The following MTMR12 variants were observed in gnomAD, a reference collection of about 807,000 sequenced individuals.
MTMR12 encodes the protein myotubularin-related protein 12.
MTMR12 carries 33 observed loss-of-function variants against 96.7 expected under a neutral mutation model. The ratio of observed to expected loss-of-function variants is 0.34; its 90% CI spans 0.26 to 0.46. The LOEUF is 0.46. Ranked by LOEUF, MTMR12 falls within the 20% of genes least tolerant of loss-of-function variation. The pLI is 1.00. For synonymous variants in MTMR12, 298 were observed against 327.2 expected, an observed-to-expected ratio of 0.91 and a Z score of 0.96; for missense variants, 721 against 896.1, an observed-to-expected ratio of 0.80 and a Z score of 2.49.
rs772287290 is a variant in MTMR12 at position 32,255,790 on chromosome 5, A to C, written c.714-22T>G. ...CAATCTAGAAGAAAGAAATGTCATC[A>C]AGTTTTAGTACAACACTTAATTCAC... On this transcript the variant is annotated intron_variant, in intron 7 of 15. Coordinates refer to ENST00000382142, the MANE Select transcript of MTMR12 (RefSeq NM_001040446.3). 1.4e-5 allele frequency: 22 copies of C among 1,582,804 alleles called. No homozygotes were observed. The East Asian group carries it at 4.9e-4, about 35-fold the overall frequency.
rs147658902 is a variant in MTMR12, at chr5:32,245,060, C to T, written c.1022-1461G>A. Reference sequence around the variant, plus strand: ...GTGTTTTTTTTGAGATGGAGTTTTGCTCTTGTCACCCAGGCTGGAGCGCAA... The same window carrying T: ...GTGTTTTTTTTGAGATGGAGTTTTGTTCTTGTCACCCAGGCTGGAGCGCAA... On this transcript the variant is annotated intron_variant, in intron 10 of 15. Transcript: ENST00000382142. Among the ~76,000 whole-genome samples the T allele has an allele frequency of 1.9e-3, 285 of 152,084 alleles. 2 individuals carry two copies. The highest frequency in any genetic ancestry group is 6.6e-3 in the African/African-American group (274 of 41,488).
chr5:32,290,404 TTTAGGGAA>T (rs1442198745), intron 1 of MTMR12, among the ~76,000 whole-genome samples: 29 of 152,248 alleles, frequency 1.9e-4, no homozygotes, highest in African/African-American at 6.7e-4. Context: ...CCAACTAAAA[TTTAGGGAA>T]CTTCTACCTC....
At chr5:32,256,545 A>C (rs779165962) in intron 7 of MTMR12, among the ~76,000 whole-genome samples, 10 of 152,204 alleles carry the variant, frequency 6.6e-5, no homozygotes, top group Non-Finnish European at 1.2e-4. Context: ...TGAAAGATCA[A>C]AATTACTTGG....
Position 32,235,143 on chromosome 5 carries a change from A to C in MTMR12, c.1345-14T>G, listed in dbSNP as rs200469105. 1 of 1,607,600 alleles carries C rather than the reference A, an allele frequency of 6.2e-7. No homozygotes were observed. Among genetic ancestry groups the C allele is most frequent in the African/African-American group, 1.3e-5 (1 of 74,624 alleles). On this transcript the variant is annotated splice_polypyrimidine_tract_variant and intron_variant, in intron 13 of 15. Coordinates refer to ENST00000382142, the MANE Select transcript of MTMR12 (RefSeq NM_001040446.3). ...GAACACAGGAACCTGCATGAAAACA[A>C]GATACGTTACTTGGTGGGCAGAGCC...
intron 5 of MTMR12, among the ~76,000 whole-genome samples, chr5:32,270,425 T>C (rs1370749877): frequency 6.6e-6 from 1 of 152,192 alleles, no homozygotes; most frequent in African/African-American, 2.4e-5. Context: ...GTAAACTCAT[T>C]TACTCATAGA....
chr5:32,298,388 G>A (rs2112148561), intron 1 of MTMR12, among the ~76,000 whole-genome samples: 1 of 152,322 alleles, frequency 6.6e-6, no homozygotes, highest in African/African-American at 2.4e-5. Flanking sequence ...TCACTTGAAA[G>A]GAGAGAGAAG....
intron 13 of MTMR12, among the ~76,000 whole-genome samples, chr5:32,236,132 C>T (rs1748218614): frequency 6.6e-6 from 1 of 152,174 alleles, no homozygotes; most frequent in African/African-American, 2.4e-5. Context: ...GCAATAGGCT[C>T]AGAAAATACA....
chr5:32,242,065 A>G lies in MTMR12; in HGVS notation c.1163T>C (p.Leu388Pro). 1 of 1,611,788 alleles carries G rather than the reference A, an allele frequency of 6.2e-7. No individual in the cohort carries two copies. Among genetic ancestry groups the G allele is most frequent in the South Asian group, 1.1e-5 (1 of 90,988 alleles). ...ECMEAQNMNV[L>P]LLEENASDLC... Reference sequence around the variant, plus strand: ...TGCTTCCTATATATTACCTAAAAGAAGAACATTCATGTTTTGTGCTTCCAT... The same window carrying G: ...TGCTTCCTATATATTACCTAAAAGAGGAACATTCATGTTTTGTGCTTCCAT... The change falls in exon 12 of 16, where the codon CTT becomes CCT. Residue 388 changes from leucine to proline, a missense_variant. Coordinates refer to ENST00000382142, the MANE Select transcript of MTMR12 (RefSeq NM_001040446.3).
chr5:32,288,692 C>A (rs1750638664), intron 1 of MTMR12, among the ~76,000 whole-genome samples: 2 of 152,180 alleles, frequency 1.3e-5, no homozygotes, highest in Admixed American at 6.5e-5. Flanking sequence ...AGGGACTCTG[C>A]TTTTAATGTT....
intron 6 of MTMR12, 68 bp downstream of exon 6, chr5:32,268,633 C>A: frequency 7.5e-7 from 1 of 1,332,926 alleles, no homozygotes; most frequent in East Asian, 2.3e-5. Context: ...GTGTTCTCCC[C>A]CACTGGCTTC....
At chr5:32,269,237 G>C (rs1013772262) in intron 5 of MTMR12, among the ~76,000 whole-genome samples, 2 of 151,892 alleles carry the variant, frequency 1.3e-5, no homozygotes, top group Non-Finnish European at 2.9e-5. Flanking sequence ...ATGTTGGCCA[G>C]GCTGGTCTTG....
chr5:32,228,496 T>C lies in MTMR12; in HGVS notation c.*1282A>G, dbSNP rs1005980158. On this transcript the variant is annotated 3_prime_UTR_variant, in exon 16 of 16. Transcript: ENST00000382142. Reference sequence around the variant, plus strand: ...AAAAAAATCTGCTCCTTACAAAGTATACTTTCCTGCATTAAAAAAAATATA... The same window carrying C: ...AAAAAAATCTGCTCCTTACAAAGTACACTTTCCTGCATTAAAAAAAATATA... 3 of 146,644 alleles carry C rather than the reference T, an allele frequency of 2.0e-5. No homozygotes were observed. Among genetic ancestry groups the C allele is most frequent in the South Asian group, 4.3e-4 (2 of 4,670 alleles). The allele number at this position is 146,644 out of a possible 1,614,324, so 9.1% of individuals were successfully genotyped here.
intron 10 of MTMR12, among the ~76,000 whole-genome samples, chr5:32,246,175 T>TTTTGTTTTGTTTTG (rs1554056258): frequency 6.8e-6 from 1 of 146,648 alleles, no homozygotes; most frequent in African/African-American, 2.5e-5. Flanking sequence ...AGACAGTTTT[T>TTTTGTTTTGTTTTG]TTTTTTTTTG....
At chr5:32,241,477 G>A (rs551449361) in intron 12 of MTMR12, among the ~76,000 whole-genome samples, 1 of 152,194 alleles carries the variant, frequency 6.6e-6, no homozygotes, top group African/African-American at 2.4e-5. Flanking sequence ...GGGGCTAAAC[G>A]AAACATAGTA....
chr5:32,251,257 G>A (rs1041313786), intron 8 of MTMR12, among the ~76,000 whole-genome samples: 3 of 151,776 alleles, frequency 2.0e-5, no homozygotes, highest in South Asian at 2.1e-4. Flanking sequence ...GGGTTTCACC[G>A]TTTTACCTCG....
intron 8 of MTMR12, among the ~76,000 whole-genome samples, chr5:32,255,401 T>G (rs761251165): frequency 2.0e-4 from 31 of 152,320 alleles, no homozygotes; most frequent in Non-Finnish European, 4.1e-4. Flanking sequence ...TGGCTCAGGT[T>G]CAAAATGACT....
intron 7 of MTMR12, among the ~76,000 whole-genome samples, chr5:32,261,998 G>A (rs1296244777): frequency 6.6e-6 from 1 of 152,170 alleles, no homozygotes; most frequent in Non-Finnish European, 1.5e-5. Context: ...CGTGAACCCA[G>A]GAGGCGGAGC....
intron 6 of MTMR12, among the ~76,000 whole-genome samples, chr5:32,266,880 C>A (rs568306402): frequency 3.0e-4 from 46 of 151,170 alleles, no homozygotes; most frequent in Middle Eastern, 7.0e-3. Context: ...GAGTTAGAGA[C>A]CAGCCTGGCC....
Position 32,271,858 on chromosome 5 carries a change from G to A in MTMR12, c.333C>T (p.Leu111=). Residue 111 remains leucine (L), a synonymous_variant, in exon 4 of 16, where the codon CTC becomes CTT. Transcript: ENST00000382142. ...CTCCATAAATCTGATCAACACAGTG[G>A]AGTGTAATGTCATTTTCTCCTATAA... The part of the protein sequence containing the change: ...NKVIGENDIT[L]HCVDQIYGVF... The A allele has an allele frequency of 6.3e-7, 1 of 1,586,940 alleles. No homozygotes were observed. Among genetic ancestry groups the A allele is most frequent in the Non-Finnish European group, 8.6e-7 (1 of 1,162,538 alleles).
Sources: allele counts gnomAD v4.1 joint callset (sites outside exome capture counted in the v4.1 genomes callset), GRCh38; gene constraint gnomAD v4.1.1; transcripts MANE v1.5; gene names NCBI Gene and HGNC (gene_info 2026-07-23, HGNC 2026-07-21).